SEMA3D: variants seen among roughly 807,000 people sequenced by gnomAD.
The protein encoded by SEMA3D is semaphorin-3D.
Under a neutral mutation model 100.1 loss-of-function variants are expected in SEMA3D, and 84 were observed. The ratio of observed to expected loss-of-function variants is 0.84; its 90% CI spans 0.70 to 1.01. SEMA3D has a LOEUF of 1.01. Among genes scored for constraint, SEMA3D ranks in the 50% least tolerant of loss-of-function variants. The pLI is 0.00. For synonymous variants in SEMA3D, 312 were observed against 320.7 expected (o/e 0.97, Z 0.29); for missense variants, 875 against 934.1 (o/e 0.94, Z 0.82).
At chr7:85,142,269 A>G (rs1234472379) in intron 2 of SEMA3D, 1 of 981,032 alleles carries the variant, frequency 1.0e-6, no homozygotes, top group Non-Finnish European at 1.2e-6. Context: ...AACCAACAAT[A>G]TCTAGTAAAA....
At chr7:85,110,358 T>A (rs1789058780) in intron 3 of SEMA3D, among the ~76,000 whole-genome samples, 1 of 151,936 alleles carries the variant, frequency 6.6e-6, no homozygotes, top group Admixed American at 6.6e-5. Flanking sequence ...TGGGCTTAGA[T>A]CTGAACATCA....
At chr7:85,002,735 C>A (rs1789687851) in intron 18 of SEMA3D, among the ~76,000 whole-genome samples, 1 of 152,136 alleles carries the variant, frequency 6.6e-6, no homozygotes, top group Admixed American at 6.6e-5. Flanking sequence ...GGTCAACTAT[C>A]CATTTGCCTA....
intron 4 of SEMA3D, among the ~76,000 whole-genome samples, chr7:85,090,406 G>A (rs1042225218): frequency 6.6e-6 from 1 of 152,106 alleles, no homozygotes; most frequent in African/African-American, 2.4e-5. Context: ...TTACTAGACA[G>A]CATATGCTCG....
intron 2 of SEMA3D, among the ~76,000 whole-genome samples, chr7:85,149,319 T>G (rs1355627653): frequency 6.6e-6 from 1 of 151,966 alleles, no homozygotes; most frequent in Admixed American, 6.6e-5. Context: ...TAGCCAGGCA[T>G]GGTGGCACGT....
chr7:85,060,038 T>C (rs1791430496), intron 8 of SEMA3D, among the ~76,000 whole-genome samples: 1 of 152,170 alleles, frequency 6.6e-6, no homozygotes, highest in Non-Finnish European at 1.5e-5. Flanking sequence ...TGGATATTTT[T>C]CCAAGTGATA....
chr7:85,222,349 T>C, the SEMA3D span, among the ~76,000 whole-genome samples: 2 of 152,050 alleles, frequency 1.3e-5, no homozygotes, highest in African/African-American at 4.8e-5. Flanking sequence ...AGAAAACTAA[T>C]CATTCCAATG....
At position 85,097,970 on chromosome 7, in the gene SEMA3D, G is replaced by A; in HGVS notation, c.152-5C>T. On this transcript the variant is annotated splice_polypyrimidine_tract_variant and splice_region_variant and intron_variant, in intron 3 of 18. Coordinates refer to ENST00000284136, the MANE Select transcript of SEMA3D (RefSeq NM_001384900.1). ...AGCTATTTGAAAGCAGCAAGTCTAT[G>A]GAAAGCAAAAAAAGAAAAGAAAGGA... The A allele has an allele frequency of 1.4e-6, 2 of 1,465,288 alleles. No individual in the cohort carries two copies. Among genetic ancestry groups the A allele is most frequent in the South Asian group, 1.5e-5 (1 of 66,360 alleles). 90.8% of individuals were successfully genotyped at this position (1,465,288 alleles called of 1,614,324 possible). A position where few individuals can be genotyped will look rare whatever the true frequency, so the allele number is the denominator to read the frequency against.
chr7:85,223,932 A>G, the SEMA3D span, among the ~76,000 whole-genome samples: 1 of 152,136 alleles, frequency 6.6e-6, no homozygotes, highest in Admixed American at 6.6e-5. Context: ...TAATGCAAAG[A>G]AAAGAACCAC....
At chr7:85,218,892 A>T in the SEMA3D span, among the ~76,000 whole-genome samples, 1 of 152,138 alleles carries the variant, frequency 6.6e-6, no homozygotes, top group Admixed American at 6.6e-5. Flanking sequence ...TGATTCAATA[A>T]GCCCTCAGTT....
rs1192083902 is a variant in SEMA3D, at chr7:84,997,137, G to C, written c.*2303C>G. 2 of 151,920 alleles carry C rather than the reference G, an allele frequency of 1.3e-5. No homozygotes were observed. The highest frequency in any genetic ancestry group is 1.3e-4 in the Admixed American group (2 of 15,254). The allele number at this position is 151,920 out of a possible 1,614,324, so 9.4% of individuals were successfully genotyped here. On this transcript the variant is annotated 3_prime_UTR_variant, in exon 19 of 19. Coordinates refer to ENST00000284136, the MANE Select transcript of SEMA3D (RefSeq NM_001384900.1). ...GTCATAAAATAAGTTTCCAAATTTT[G>C]TCTGAATAACTAGGATTAGAAAGAA...
At chr7:85,177,017 T>C (rs1359082515) in intron 1 of SEMA3D, among the ~76,000 whole-genome samples, 2 of 152,140 alleles carry the variant, frequency 1.3e-5, no homozygotes, top group African/African-American at 4.8e-5. Flanking sequence ...GCATGCTGTA[T>C]AGATTTGTAG....
the SEMA3D span, among the ~76,000 whole-genome samples, chr7:85,223,319 C>A: frequency 2.6e-5 from 4 of 151,988 alleles, no homozygotes; most frequent in Non-Finnish European, 5.9e-5. Context: ...ACCACAATTA[C>A]TTTTGCACCA....
At chr7:85,121,020 T>C (rs886370365) in intron 3 of SEMA3D, among the ~76,000 whole-genome samples, 9 of 152,178 alleles carry the variant, frequency 5.9e-5, no homozygotes, top group Admixed American at 2.6e-4. Flanking sequence ...ATATTCAAAT[T>C]GCCAGCATAA....
chr7:85,152,275 T>C (rs1029469311), intron 2 of SEMA3D, among the ~76,000 whole-genome samples: 17 of 152,064 alleles, frequency 1.1e-4, no homozygotes, highest in Non-Finnish European at 2.2e-4. Context: ...AAGCCAAAGA[T>C]GCATGTAAAA....
intron 2 of SEMA3D, among the ~76,000 whole-genome samples, chr7:85,132,023 G>A (rs887559307): frequency 3.3e-5 from 5 of 151,680 alleles, no homozygotes; most frequent in African/African-American, 1.2e-4. Context: ...AATTATTTTA[G>A]ATAGTTAATT....
intron 2 of SEMA3D, among the ~76,000 whole-genome samples, chr7:85,130,717 T>C (rs1309728990): frequency 1.3e-5 from 2 of 152,178 alleles, no homozygotes; most frequent in Non-Finnish European, 2.9e-5. Context: ...TATAAATAAA[T>C]TGATATCATA....
intron 12 of SEMA3D, among the ~76,000 whole-genome samples, chr7:85,035,294 C>G (rs773661436): frequency 1.7e-4 from 26 of 150,530 alleles, no homozygotes; most frequent in Non-Finnish European, 3.1e-4. Flanking sequence ...ATGTATATAT[C>G]TATATACAGG....
chr7:85,012,914 T>G (rs1006993363), intron 16 of SEMA3D, 68 bp from the exon 17 acceptor site: 5 of 1,197,126 alleles, frequency 4.2e-6, no homozygotes, highest in Non-Finnish European at 6.2e-6. Flanking sequence ...AGGCTACATC[T>G]AATACTAATA....
chr7:85,029,319 A>T, intron 12 of SEMA3D: 2 of 1,283,604 alleles, frequency 1.6e-6, no homozygotes, highest in Non-Finnish European at 2.2e-6. Context: ...TGGTCCAGGA[A>T]ACTGAGAAGT....
Sources: gnomAD v4.1 joint callset for allele counts (sites outside exome capture counted in the v4.1 genomes callset) on GRCh38, gnomAD v4.1.1 for gene constraint, MANE v1.5 for transcripts, NCBI Gene and HGNC (gene_info 2026-07-23, HGNC 2026-07-21) for gene names.